The following LILRB5 variants were observed in gnomAD, a reference collection of about 807,000 sequenced individuals.
The protein encoded by LILRB5 is leukocyte immunoglobulin like receptor B5, also known as leukocyte immunoglobulin-like receptor subfamily B member 5.
LILRB5 carries 61 observed loss-of-function variants against 68.4 expected under a neutral mutation model. The observed-to-expected ratio is 0.89, with a 90% CI of 0.73 to 1.10. LILRB5 has a LOEUF of 1.10. LILRB5 is among the 50% of genes least tolerant of loss of function. The pLI is 0.00. For synonymous variants in LILRB5, 356 were observed against 315.8 expected (o/e 1.13, Z -1.35); for missense variants, 771 against 751.6 (o/e 1.03, Z -0.30).
chr19:54,252,853 C>G lies in LILRB5; in HGVS notation c.1474+18G>C. 6.3e-7 allele frequency: 1 copy of G among 1,598,692 alleles called. No individual in the cohort carries two copies. The highest frequency in any genetic ancestry group is 8.6e-7 in the Non-Finnish European group (1 of 1,169,326). On this transcript the variant is annotated intron_variant, in intron 9 of 12. Coordinates refer to ENST00000449561, the MANE Select transcript of LILRB5 (RefSeq NM_001081442.3). ...CCCACCCTCGGTCGGCCCACGGGTTCCCCCATTCCCTACTCACCCGATGTC... is the reference window on the plus strand; with the variant it reads ...CCCACCCTCGGTCGGCCCACGGGTTGCCCCATTCCCTACTCACCCGATGTC...
At chr19:54,254,331 G>A (rs1445681930) in intron 7 of LILRB5, 34 bp downstream of exon 7, 12 of 1,551,962 alleles carry the variant, frequency 7.7e-6, no homozygotes, top group Middle Eastern at 1.7e-4. Flanking sequence ...GGGAGACCAC[G>A]CTCCCTCCGA....
At position 54,255,458 on chromosome 19, in the gene LILRB5, T is replaced by A. The variant is rs1569060041; in HGVS notation, c.780A>T (p.Glu260Asp). Residue 260 changes from glutamate to aspartate, a missense_variant, in exon 5 of 13, where the codon GAA (glutamate) becomes GAT (aspartate). Transcript: ENST00000449561. ...YDIFVLYKEG[E>D]HDLVQGSGQQ... Reference sequence around the variant, plus strand: ...GGCCAGAGCCCTGGACGAGGTCATGTTCCCCCTCCTTGTACAGAACGAATA... The same window carrying A: ...GGCCAGAGCCCTGGACGAGGTCATGATCCCCCTCCTTGTACAGAACGAATA... 6.2e-7 allele frequency: 1 copy of A among 1,614,110 alleles called. No individual in the cohort carries two copies.
chr19:54,255,578 CA>C lies in LILRB5; in HGVS notation c.659del (p.Val220GlyfsTer8). On this transcript the variant is annotated frameshift_variant, in exon 5 of 13. Coordinates refer to ENST00000449561, the MANE Select transcript of LILRB5 (RefSeq NM_001081442.3). LOFTEE classifies it high-confidence loss of function. ...SDLLEILVPG[V>X]SRKPSLLIPQ... ...GGATCAGGAGGGAGGGCTTCCTAGA[CA>C]CGCCTGGAGGGAAAGAGGAATTGGG... is the stretch of plus-strand genomic sequence containing the variant. The C allele has an allele frequency of 6.2e-7, 1 of 1,612,848 alleles. No homozygotes were observed. The highest frequency in any genetic ancestry group is 8.5e-7 in the Non-Finnish European group (1 of 1,179,234).
In LILRB5 at chr19:54,252,454, G is replaced by A. The variant is rs781013496; in HGVS notation, c.1538+32C>T. On this transcript the variant is annotated intron_variant, in intron 10 of 12. Coordinates refer to ENST00000449561, the MANE Select transcript of LILRB5 (RefSeq NM_001081442.3). ...GGGCAGTGAGGGGGCTGTGCGGGTG[G>A]ATGGGAGTCTTGGGTCTTCATGCAG... is the stretch of plus-strand genomic sequence containing the variant. 5.0e-6 allele frequency: 8 copies of A among 1,614,092 alleles called. No individual in the cohort carries two copies. The Admixed American group carries it at 1.2e-4, about 24-fold the overall frequency.
intron 4 of LILRB5, 189 bp from the exon 5 acceptor site, chr19:54,255,771 G>A (rs1383683766): frequency 2.6e-6 from 2 of 765,162 alleles, no homozygotes; most frequent in Non-Finnish European, 4.2e-6. Flanking sequence ...CTGACTCCTG[G>A]CCACTGTCTG....
rs377372186 is a variant in LILRB5 at position 54,256,327 on chromosome 19, G to C, written c.371C>G (p.Pro124Arg). ...ELVATGFYAE[P>R]TLLALPSPVV... The stretch of plus-strand genomic sequence containing the variant: ...AGGACTCGGCAGGGCTAAAAGAGTG[G>C]GTTCTGCATAGAATCCTAGCAGAGA... The change falls in exon 4 of 13, where the codon CCC becomes CGC. Residue 124 changes from proline (P) to arginine (R), a missense_variant. Coordinates refer to ENST00000449561, the MANE Select transcript of LILRB5 (RefSeq NM_001081442.3). 6.2e-7 allele frequency: 1 copy of C among 1,607,618 alleles called. No individual in the cohort carries two copies. The highest frequency in any genetic ancestry group is 1.3e-5 in the African/African-American group (1 of 74,688).
At position 54,249,731 on chromosome 19, in the gene LILRB5, C is replaced by T. The variant is rs2078888755; in HGVS notation, c.*1055G>A. 6.6e-6 allele frequency: 1 copy of T among 152,196 alleles called. No individual in the cohort carries two copies. Among genetic ancestry groups the T allele is most frequent in the African/African-American group, 2.4e-5 (1 of 41,454 alleles). 9.4% of individuals were successfully genotyped at this position (152,196 alleles called of 1,614,324 possible). On this transcript the variant is annotated 3_prime_UTR_variant, in exon 13 of 13. Transcript: ENST00000449561. The stretch of plus-strand genomic sequence containing the variant: ...ACTAACTAAGGACTAGGGCGCATCC[C>T]TTTAAAATTGAAATGTATGGGCTGG...
intron 9 of LILRB5, 98 bp from the exon 10 acceptor site, chr19:54,252,647 T>A: frequency 7.3e-7 from 1 of 1,376,410 alleles, no homozygotes; most frequent in Non-Finnish European, 1.0e-6. Context: ...GGAGGCCCAC[T>A]GGCACTGAGG....
chr19:54,254,374 G>T lies in LILRB5; in HGVS notation c.1297C>A (p.Pro433Thr). 1 of 1,581,926 alleles carries T rather than the reference G, an allele frequency of 6.3e-7. No homozygotes were observed. The highest frequency in any genetic ancestry group is 2.3e-5 in the East Asian group (1 of 43,296). The change falls in exon 7 of 13, where the codon CCC becomes ACC. Residue 433 changes from proline to threonine, a missense_variant. Pro to Thr is a conservative substitution (Grantham distance 38). Coordinates refer to ENST00000449561, the MANE Select transcript of LILRB5 (RefSeq NM_001081442.3). ...DPSLSPTGST[P>T]TPAGPEDQPL... ...GGCCTCAGTGACTCACCAGGTGTGG[G>T]GGTGGAGCCTGTAGGTGAGAGGCTG...
At chr19:54,253,240 C>G (rs2079018116) in intron 8 of LILRB5, 1 of 228,888 alleles carries the variant, frequency 4.4e-6, no homozygotes, top group African/African-American at 2.3e-5. Flanking sequence ...CCCCAGCTGT[C>G]CTCCTGCTGC....
At chr19:54,252,682 G>A in intron 9 of LILRB5, 133 bp from the exon 10 acceptor site, 1 of 1,129,192 alleles carries the variant, frequency 8.9e-7, no homozygotes, top group Non-Finnish European at 1.3e-6. Context: ...TAAGTTTAAA[G>A]TAAAATCAGA....
At chr19:54,252,600 C>T (rs1302059659) in intron 9 of LILRB5, 51 bp from the exon 10 acceptor site, 1 of 1,595,884 alleles carries the variant, frequency 6.3e-7, no homozygotes, top group Non-Finnish European at 8.6e-7. Context: ...GAACCAGCTG[C>T]CCTGCACACA....
rs564431322 is a variant in LILRB5 at position 54,251,760 on chromosome 19, T to C, written c.1629+294A>G. ...CTGGTTGAATGAATGAAGGGGAGCC[T>C]GGGGGACCGGGTCGGTTCATTTATT... On this transcript the variant is annotated intron_variant, in intron 12 of 12. Transcript: ENST00000449561. 3.7e-3 allele frequency: 2,479 copies of C among 665,046 alleles called. 17 individuals are homozygous for C. The highest frequency in any genetic ancestry group is 0.02 in the African/African-American group (1,117 of 56,132). 41.2% of individuals were successfully genotyped at this position (665,046 alleles called of 1,614,324 possible). A position where few individuals can be genotyped will look rare whatever the true frequency, so the allele number is the denominator to read the frequency against.
rs774056299 is a variant in LILRB5, at chr19:54,254,898, C to A, written c.1092G>T (p.Pro364=). The change falls in exon 6 of 13, where the codon CCG becomes CCT. Residue 364 remains proline (P), a synonymous_variant. Transcript: ENST00000449561. ...ACTGGTACTTTGACTTTAGACACAG[C>A]GGGGGATGGGCTGCCCCCTCCTTGG... ...FLTKEGAAHP[P]LCLKSKYQSY... is the part of the protein sequence containing the mutation. The A allele has an allele frequency of 1.2e-6, 2 of 1,613,904 alleles. No homozygotes were observed. Among genetic ancestry groups the A allele is most frequent in the African/African-American group, 2.7e-5 (2 of 74,884 alleles).
Position 54,254,763 on chromosome 19 carries a change from A to G in LILRB5, c.1227T>C (p.Pro409=), listed in dbSNP as rs748597256. The change falls in exon 6 of 13, where the codon CCT becomes CCC. Residue 409 remains proline, a synonymous_variant. Transcript: ENST00000449561. ...IRSYPYLLSS[P]SYPQELVVSG... is the part of the protein sequence containing the mutation. The stretch of plus-strand genomic sequence containing the variant: ...AGACCACGAGCTCCTGGGGGTAACT[A>G]GGGCTGGACAGCAGGTAGGGGTAGG... The G allele has an allele frequency of 8.1e-6, 13 of 1,614,018 alleles. No homozygotes were observed. Among genetic ancestry groups the G allele is most frequent in the Non-Finnish European group, 1.1e-5 (13 of 1,179,960 alleles).
chr19:54,251,163 G>A (rs921208404), intron 12 of LILRB5: 56 of 1,596,494 alleles, frequency 3.5e-5, no homozygotes, highest in Non-Finnish European at 4.5e-5. Context: ...TCATCGTGTG[G>A]GCTCTGCTGG....
At chr19:54,252,603 T>C in intron 9 of LILRB5, 54 bp from the exon 10 acceptor site, 4 of 1,591,994 alleles carry the variant, frequency 2.5e-6, no homozygotes, top group South Asian at 1.1e-5. Context: ...CCAGCTGCCC[T>C]GCACACACAA....
chr19:54,253,701 A>T, intron 8 of LILRB5: 1 of 894,816 alleles, frequency 1.1e-6, no homozygotes, highest in Non-Finnish European at 1.8e-6. Flanking sequence ...TGAACCCAGG[A>T]GTCTGACCCG....
chr19:54,252,707 C>A, intron 9 of LILRB5, 158 bp from the exon 10 acceptor site: 2 of 1,014,872 alleles, frequency 2.0e-6, no homozygotes, highest in Non-Finnish European at 1.5e-6. Flanking sequence ...TCAAGCACTT[C>A]CACACATGCT....
Sources: allele counts gnomAD v4.1 joint callset, GRCh38; gene constraint gnomAD v4.1.1; transcripts MANE v1.5; gene names NCBI Gene and HGNC (gene_info 2026-07-23, HGNC 2026-07-21).